Variants in SLC4A8 observed in about 807,000 individuals in gnomAD.
The protein encoded by SLC4A8 is solute carrier family 4 member 8, also known as electroneutral sodium bicarbonate exchanger 1.
A neutral mutation model predicts 125.0 loss-of-function variants in SLC4A8; 40 were observed. That is an observed-to-expected ratio of 0.32 (90% CI 0.25 to 0.42). The LOEUF (loss-of-function observed/expected upper bound fraction) is 0.42, where lower values mean the gene tolerates loss of function less well. Among genes scored for constraint, SLC4A8 ranks in the 10% least tolerant of loss-of-function variants. The probability of loss-of-function intolerance (pLI) is 1.00; values close to 1 mark genes in which losing one functional copy is unlikely to be tolerated. For missense variants in SLC4A8, 863 were observed against 1,355.1 expected (o/e 0.64, Z 5.70); for synonymous variants, 456 against 476.0 (o/e 0.96, Z 0.55).
chr12:51,489,513 G>T (rs1951250132), intron 18 of SLC4A8, among the ~76,000 whole-genome samples, 187 bp from the exon 19 acceptor site: 1 of 152,204 alleles, frequency 6.6e-6, no homozygotes, highest in Non-Finnish European at 1.5e-5. Flanking sequence ...GACAGGCTAA[G>T]ATTCCCCTTT....
At chr12:51,412,133 A>G (rs1189507861) in intron 1 of SLC4A8, among the ~76,000 whole-genome samples, 2 of 152,306 alleles carry the variant, frequency 1.3e-5, no homozygotes, top group South Asian at 2.1e-4. Flanking sequence ...CACTCTATCA[A>G]AATTATTGAG....
intron 1 of SLC4A8, among the ~76,000 whole-genome samples, chr12:51,426,574 G>A (rs1383999885): frequency 6.6e-6 from 1 of 152,162 alleles, no homozygotes; most frequent in Non-Finnish European, 1.5e-5. Flanking sequence ...GCTAAAGGAT[G>A]AATAAATGTT....
intron 19 of SLC4A8, among the ~76,000 whole-genome samples, chr12:51,491,747 A>ACACACG (rs1175774639): frequency 9.5e-4 from 133 of 140,632 alleles, no homozygotes; most frequent in African/African-American, 3.0e-3. Flanking sequence ...GCAGACACAC[A>ACACACG]CACACACACA....
At chr12:51,399,997 A>AC (rs796531330) in intron 1 of SLC4A8, among the ~76,000 whole-genome samples, 2,161 of 147,736 alleles carry the variant, frequency 0.015, 42 homozygotes, top group African/African-American at 0.036. Context: ...AAAAAAAAAA[A>AC]AAACCATGTT....
intron 2 of SLC4A8, among the ~76,000 whole-genome samples, chr12:51,449,844 C>T (rs1221586411): frequency 4.6e-5 from 7 of 152,102 alleles, no homozygotes; most frequent in South Asian, 2.1e-4. Flanking sequence ...GCTTGGGCAA[C>T]GTGGCGAGAC....
At chr12:51,490,298 G>A (rs903220960) in intron 19 of SLC4A8, among the ~76,000 whole-genome samples, 3 of 152,086 alleles carry the variant, frequency 2.0e-5, no homozygotes, top group South Asian at 2.1e-4. Flanking sequence ...GCTCACACCT[G>A]TAATCCCAGC....
chr12:51,504,899 A>G (rs915788326), intron 23 of SLC4A8, among the ~76,000 whole-genome samples: 17 of 152,348 alleles, frequency 1.1e-4, no homozygotes, highest in East Asian at 7.7e-4. Context: ...AGAGATACAC[A>G]TAGCACTTGT....
chr12:51,446,547 AAAG>A lies in SLC4A8; in HGVS notation c.131-4321_131-4319del, dbSNP rs56717080. Among the ~76,000 whole-genome samples the A allele has an allele frequency of 8.7e-3, 1,331 of 152,302 alleles. 16 individuals are homozygous for A. The highest frequency in any genetic ancestry group is 0.03 in the African/African-American group (1,262 of 41,556). On this transcript the variant is annotated intron_variant, in intron 2 of 24. Transcript: ENST00000453097. Reference sequence around the variant, plus strand: ...GCCTTAGGAAACCCCATTGCTGGGAAAAGAAGAAGATAAAGAGTTGGCAACTCT... The same window carrying A: ...GCCTTAGGAAACCCCATTGCTGGGAAAAGAAGATAAAGAGTTGGCAACTCT...
intron 24 of SLC4A8, 64 bp from the exon 25 acceptor site, chr12:51,507,362 T>C: frequency 2.7e-6 from 3 of 1,101,516 alleles, no homozygotes; most frequent in Non-Finnish European, 1.2e-6. Context: ...CTTCAAAGTA[T>C]TGTGTTAAAA....
At chr12:51,441,632 G>A (rs548132467) in intron 2 of SLC4A8, among the ~76,000 whole-genome samples, 53 of 152,286 alleles carry the variant, frequency 3.5e-4, no homozygotes, top group African/African-American at 1.1e-3. Flanking sequence ...AAGCCTTTGT[G>A]AAATCTCTGC....
At chr12:51,454,148 T>C (rs2138201309) in intron 5 of SLC4A8, among the ~76,000 whole-genome samples, 1 of 152,182 alleles carries the variant, frequency 6.6e-6, no homozygotes. Context: ...AATACAAAAA[T>C]TAGCCAGGCA....
upstream of SLC4A8, among the ~76,000 whole-genome samples, chr12:51,423,402 G>GGA (rs935822916): frequency 3.9e-5 from 6 of 152,148 alleles, no homozygotes; most frequent in Non-Finnish European, 7.4e-5. Flanking sequence ...ACAAAAATGG[G>GGA]GATGAGGGTA....
intron 5 of SLC4A8, among the ~76,000 whole-genome samples, chr12:51,456,876 C>A (rs1016306919): frequency 1.3e-5 from 2 of 152,128 alleles, no homozygotes; most frequent in African/African-American, 4.8e-5. Context: ...TTCTAAATAG[C>A]CCTTTGGAGT....
chr12:51,457,781 C>T (rs1950201279), intron 6 of SLC4A8, among the ~76,000 whole-genome samples: 1 of 152,080 alleles, frequency 6.6e-6, no homozygotes, highest in South Asian at 2.1e-4. Context: ...CCCAGGGTGG[C>T]CTCAGAACTG....
At position 51,507,723 on chromosome 12, in the gene SLC4A8, T is replaced by C. The variant is rs929866436; in HGVS notation, c.*285T>C. The C allele has an allele frequency of 6.5e-6, 2 of 306,528 alleles. No homozygotes were observed. Among genetic ancestry groups the C allele is most frequent in the African/African-American group, 4.3e-5 (2 of 46,450 alleles). 19.0% of individuals were successfully genotyped at this position (306,528 alleles called of 1,614,324 possible). ...CTTTTTCTCTTTAGAACGGCCACCA[T>C]TGAAGACCTAGCTTCCCATTTTCCA... On this transcript the variant is annotated 3_prime_UTR_variant, in exon 25 of 25. Coordinates refer to ENST00000453097, the MANE Select transcript of SLC4A8 (RefSeq NM_001039960.3).
chr12:51,502,744 G>A (rs928234960), intron 22 of SLC4A8, among the ~76,000 whole-genome samples: 1 of 151,310 alleles, frequency 6.6e-6, no homozygotes, highest in Non-Finnish European at 1.5e-5. Flanking sequence ...GATCTCGGCC[G>A]ACTGCAACCT....
chr12:51,482,418 C>T (rs551208696), intron 16 of SLC4A8, among the ~76,000 whole-genome samples: 17 of 152,202 alleles, frequency 1.1e-4, no homozygotes, highest in South Asian at 6.2e-4. Context: ...CTCACTCTGT[C>T]GCCCAGGCTG....
intron 1 of SLC4A8, among the ~76,000 whole-genome samples, chr12:51,433,853 T>G (rs1414228495): frequency 4.4e-5 from 2 of 45,392 alleles, no homozygotes; most frequent in African/African-American, 1.5e-4. Flanking sequence ...CACCATCTGT[T>G]TTTTTTTTTT....
At chr12:51,462,559 A>G in intron 10 of SLC4A8, 103 bp downstream of exon 10, 2 of 903,166 alleles carry the variant, frequency 2.2e-6, no homozygotes, top group Non-Finnish European at 3.2e-6. Flanking sequence ...ATCAAGATGC[A>G]GCTCTGTTTT....
Sources: gnomAD v4.1 joint callset for allele counts (sites outside exome capture counted in the v4.1 genomes callset) on GRCh38, gnomAD v4.1.1 for gene constraint, MANE v1.5 for transcripts, NCBI Gene and HGNC (gene_info 2026-07-23, HGNC 2026-07-21) for gene names.